The following CHRM2 variants were observed in gnomAD, a reference collection of about 807,000 sequenced individuals.
The protein encoded by CHRM2 is muscarinic acetylcholine receptor M2.
In CHRM2, 8 loss-of-function variants were observed where a neutral mutation model predicts 25.0. The ratio of observed to expected loss-of-function variants is 0.32; its 90% CI spans 0.19 to 0.58. CHRM2 has a LOEUF of 0.58. Among genes scored for constraint, CHRM2 ranks in the 20% least tolerant of loss-of-function variants. CHRM2 has a pLI of 0.88. For synonymous variants in CHRM2, 202 were observed against 205.7 expected (o/e 0.98, Z 0.15); for missense variants, 440 against 567.1 (o/e 0.78, Z 2.28).
intron 2 of CHRM2, among the ~76,000 whole-genome samples, chr7:136,970,242 C>G (rs1473654501): frequency 6.6e-6 from 1 of 152,124 alleles, no homozygotes. Context: ...AGCTTTATAT[C>G]TTGGTCCTTA....
chr7:136,997,589 T>A (rs1282435270), intron 3 of CHRM2, among the ~76,000 whole-genome samples: 1 of 152,190 alleles, frequency 6.6e-6, no homozygotes, highest in Non-Finnish European at 1.5e-5. Context: ...AAAAGAAAGA[T>A]ACAGCATCTT....
Position 137,015,232 on chromosome 7 carries a change from T to C in CHRM2, c.367T>C (p.Phe123Leu). 6.2e-7 allele frequency: 1 copy of C among 1,613,382 alleles called. No individual in the cohort carries two copies. Among genetic ancestry groups the C allele is most frequent in the Non-Finnish European group, 8.5e-7 (1 of 1,179,610 alleles). The stretch of plus-strand genomic sequence containing the variant: ...GCTCATCATCAGCTTTGACAGGTAC[T>C]TCTGTGTCACAAAACCTCTGACCTA... ...NLLIISFDRY[F>L]CVTKPLTYPV... Residue 123 changes from phenylalanine (F) to leucine (L), a missense_variant, in exon 4 of 4, where the codon TTC becomes CTC. This residue lies in a region of CHRM2 where 27 missense variants were observed against 55.5 expected (regional missense o/e 0.49). Coordinates refer to ENST00000680005, the MANE Select transcript of CHRM2 (RefSeq NM_001006630.2). This position sits in a 1 kb window ranked among gnomAD's most constrained non-coding sequence, Gnocchi z 5.1.
chr7:136,915,842 C>T (rs972227516), intron 2 of CHRM2, among the ~76,000 whole-genome samples: 1 of 150,218 alleles, frequency 6.7e-6, no homozygotes, highest in African/African-American at 2.5e-5. Context: ...AATCAGGAAG[C>T]ATTTTGAAAA....
At chr7:136,911,076 C>G (rs1007028353) in intron 2 of CHRM2, among the ~76,000 whole-genome samples, 4 of 151,750 alleles carry the variant, frequency 2.6e-5, no homozygotes, top group African/African-American at 7.3e-5. Context: ...GAACCAACAG[C>G]CTTACTGTAT....
chr7:136,967,136 A>C (rs1027854983), intron 2 of CHRM2, among the ~76,000 whole-genome samples: 1 of 152,038 alleles, frequency 6.6e-6, no homozygotes, highest in African/African-American at 2.4e-5. Flanking sequence ...TTTGATTGCA[A>C]CTAGCCATCT....
chr7:136,996,912 T>C (rs1298571144), intron 3 of CHRM2, among the ~76,000 whole-genome samples: 1 of 152,182 alleles, frequency 6.6e-6, no homozygotes, highest in African/African-American at 2.4e-5. Context: ...TGAGCCAAGA[T>C]TTAAAAATTT....
chr7:137,007,699 C>T (rs1804537362), intron 3 of CHRM2, among the ~76,000 whole-genome samples: 1 of 152,024 alleles, frequency 6.6e-6, no homozygotes, highest in Non-Finnish European at 1.5e-5. Flanking sequence ...GAGCCCCAGG[C>T]CAGGACTCGC....
intron 2 of CHRM2, among the ~76,000 whole-genome samples, chr7:136,950,427 C>G (rs1234586714): frequency 6.6e-6 from 1 of 152,062 alleles, no homozygotes; most frequent in African/African-American, 2.4e-5. Flanking sequence ...TGACAGGCTT[C>G]CATGGAACCT....
At chr7:136,880,382 G>A (rs1796218635) in intron 2 of CHRM2, among the ~76,000 whole-genome samples, 1 of 151,806 alleles carries the variant, frequency 6.6e-6, no homozygotes. Flanking sequence ...ATTTGCTAAA[G>A]GTCATTCCTG....
chr7:136,942,052 A>C (rs533009729), intron 2 of CHRM2, among the ~76,000 whole-genome samples: 5 of 152,272 alleles, frequency 3.3e-5, no homozygotes, highest in Non-Finnish European at 4.4e-5. Context: ...CAGCCTGTAG[A>C]GTTACAGCCA....
chr7:136,902,006 A>T (rs78250170), intron 2 of CHRM2: 2 of 150,348 alleles, frequency 1.3e-5, no homozygotes, highest in East Asian at 3.9e-4. Flanking sequence ...CTCTTTCTAT[A>T]AAAAAAAATG....
intron 2 of CHRM2, among the ~76,000 whole-genome samples, chr7:136,904,115 AT>A (rs997350056): frequency 1.3e-5 from 2 of 151,784 alleles, no homozygotes; most frequent in African/African-American, 4.8e-5. Context: ...TGTTTTTTTA[AT>A]TTTTGAGTTA....
intron 2 of CHRM2, among the ~76,000 whole-genome samples, chr7:136,956,255 G>A (rs1358475687): frequency 6.6e-6 from 1 of 152,192 alleles, no homozygotes; most frequent in Admixed American, 6.5e-5. Context: ...CTTTATGAGA[G>A]AGCAAGAAAG....
At chr7:136,886,844 C>A (rs1163081955) in intron 2 of CHRM2, among the ~76,000 whole-genome samples, 1 of 152,062 alleles carries the variant, frequency 6.6e-6, no homozygotes, top group African/African-American at 2.4e-5. Flanking sequence ...CTGCACACTA[C>A]CCTGAGCAAC....
intron 2 of CHRM2, among the ~76,000 whole-genome samples, chr7:136,909,784 T>A (rs961540331): frequency 6.6e-6 from 1 of 151,926 alleles, no homozygotes; most frequent in Non-Finnish European, 1.5e-5. Context: ...TACTTATTTC[T>A]TATATAACTA....
intron 2 of CHRM2, among the ~76,000 whole-genome samples, chr7:136,953,654 C>G (rs1035834581): frequency 3.3e-5 from 5 of 151,638 alleles, no homozygotes; most frequent in African/African-American, 1.2e-4. Context: ...TCCGAGAGCT[C>G]ATAGACAGTG....
chr7:136,967,182 T>C, intron 2 of CHRM2, among the ~76,000 whole-genome samples: 1 of 152,008 alleles, frequency 6.6e-6, no homozygotes, highest in East Asian at 1.9e-4. Flanking sequence ...TGGATAGCAC[T>C]GTGGAAGGCA....
chr7:136,896,415 C>T (rs1017177976), intron 2 of CHRM2, among the ~76,000 whole-genome samples: 12 of 152,008 alleles, frequency 7.9e-5, no homozygotes, highest in African/African-American at 2.7e-4. Flanking sequence ...GTATCTGGGG[C>T]GACATTGTTT....
chr7:136,899,693 T>C (rs1797095285), intron 2 of CHRM2: 1 of 152,102 alleles, frequency 6.6e-6, no homozygotes, highest in Non-Finnish European at 1.5e-5. Context: ...GAATATTAAA[T>C]CCTGCATACT....
Sources: gnomAD v4.1 joint callset for allele counts (sites outside exome capture counted in the v4.1 genomes callset) on GRCh38, gnomAD v4.1.1 for gene constraint, gnomAD v4.1.1 regional missense constraint, Gnocchi (gnomAD v3.1) non-coding constraint, MANE v1.5 for transcripts, NCBI Gene and HGNC (gene_info 2026-07-23, HGNC 2026-07-21) for gene names.